The following CACNA2D3 variants were observed in gnomAD, a reference collection of about 807,000 sequenced individuals.
The protein encoded by CACNA2D3 is calcium voltage-gated channel auxiliary subunit alpha2delta 3.
Under a neutral mutation model 160.6 loss-of-function variants are expected in CACNA2D3, and 60 were observed. That is an observed-to-expected ratio of 0.37 (90% CI 0.30 to 0.46). The LOEUF is 0.46. CACNA2D3 is among the 20% of genes least tolerant of loss of function. CACNA2D3 has a pLI of 1.00. For missense variants in CACNA2D3, 1,205 were observed against 1,365.0 expected (o/e 0.88, Z 1.85); for synonymous variants, 558 against 492.9 (o/e 1.13, Z -1.75).
intron 3 of CACNA2D3, among the ~76,000 whole-genome samples, chr3:54,347,081 G>A (rs1698472663): frequency 6.6e-6 from 1 of 152,218 alleles, no homozygotes; most frequent in South Asian, 2.1e-4. Context: ...TATTGTTCAT[G>A]GCAGGGGACA....
chr3:55,025,423 G>A lies in CACNA2D3; in HGVS notation c.2987+7106G>A, dbSNP rs539872390. Among the ~76,000 whole-genome samples the A allele has an allele frequency of 7.9e-5, 12 of 152,040 alleles. No individual in the cohort carries two copies. The East Asian group carries it at 2.1e-3, about 27-fold the overall frequency. ...GAGGCAGGCGTATCACTTGAGGTCAGGAGTTCGAGCCCAGCCTGGCCAATA... is the reference window on the plus strand; with the variant it reads ...GAGGCAGGCGTATCACTTGAGGTCAAGAGTTCGAGCCCAGCCTGGCCAATA... On this transcript the variant is annotated intron_variant, in intron 35 of 37. Coordinates refer to ENST00000474759, the MANE Select transcript of CACNA2D3 (RefSeq NM_018398.3).
intron 11 of CACNA2D3, among the ~76,000 whole-genome samples, chr3:54,664,103 T>C (rs1026246708): frequency 6.6e-6 from 1 of 152,266 alleles, no homozygotes; most frequent in African/African-American, 2.4e-5. Context: ...GAATCGGCGA[T>C]GGCAAAGAGG....
chr3:54,811,816 C>G (rs1192976479), intron 13 of CACNA2D3, among the ~76,000 whole-genome samples: 3 of 152,112 alleles, frequency 2.0e-5, no homozygotes, highest in African/African-American at 7.2e-5. Context: ...CAGTTCTTAT[C>G]TAGACCATTC....
intron 13 of CACNA2D3, among the ~76,000 whole-genome samples, chr3:54,813,710 C>T (rs953534827): frequency 2.0e-5 from 3 of 151,908 alleles, no homozygotes; most frequent in Non-Finnish European, 4.4e-5. Flanking sequence ...CTTCTCTGCC[C>T]TCATGGAGTT....
At chr3:54,759,088 T>C (rs1702033720) in intron 12 of CACNA2D3, among the ~76,000 whole-genome samples, 1 of 152,182 alleles carries the variant, frequency 6.6e-6, no homozygotes, top group Non-Finnish European at 1.5e-5. Context: ...GTTTATCACA[T>C]GCAGTATTTG....
In CACNA2D3 at chr3:54,765,817, A is replaced by G. The variant is rs185030519; in HGVS notation, c.1380+1466A>G. Among the ~76,000 whole-genome samples, 10 of 152,332 alleles carry G rather than the reference A, an allele frequency of 6.6e-5. No homozygotes were observed. In the East Asian group the frequency reaches 7.7e-4, roughly 12 times the overall value. On this transcript the variant is annotated intron_variant, in intron 13 of 37. Transcript: ENST00000474759. The stretch of plus-strand genomic sequence containing the variant: ...GTAGAAGGTCCAAAAAATCAACTAC[A>G]TATGGGGATTTAGTATATAATAGAG...
intron 35 of CACNA2D3, among the ~76,000 whole-genome samples, chr3:55,037,156 C>G (rs1277627781): frequency 2.0e-5 from 3 of 151,838 alleles, no homozygotes; most frequent in East Asian, 3.9e-4. Flanking sequence ...AAAAAGTGAA[C>G]AAATAAGACA....
At chr3:54,912,620 A>G (rs918255575) in intron 27 of CACNA2D3, among the ~76,000 whole-genome samples, 1 of 152,038 alleles carries the variant, frequency 6.6e-6, no homozygotes, top group Non-Finnish European at 1.5e-5. Flanking sequence ...ATATTTTCTC[A>G]GCAGGGACCT....
intron 2 of CACNA2D3, among the ~76,000 whole-genome samples, chr3:54,203,040 G>C (rs1559880903): frequency 6.6e-6 from 1 of 152,152 alleles, no homozygotes; most frequent in Non-Finnish European, 1.5e-5. Context: ...GTCAGCTTTG[G>C]GTGCTATCAG....
intron 11 of CACNA2D3, among the ~76,000 whole-genome samples, chr3:54,704,461 T>A (rs76625860): frequency 3.3e-5 from 5 of 152,102 alleles, no homozygotes; most frequent in African/African-American, 4.8e-5. Flanking sequence ...CTCTTTTTTT[T>A]AATACCTGGC....
At chr3:54,607,223 G>A (rs1047092339) in intron 9 of CACNA2D3, among the ~76,000 whole-genome samples, 1 of 152,140 alleles carries the variant, frequency 6.6e-6, no homozygotes, top group Non-Finnish European at 1.5e-5. Flanking sequence ...GCATGTTCAT[G>A]TCCCTCTAGA....
chr3:54,747,143 AT>A (rs1009871480), intron 11 of CACNA2D3, among the ~76,000 whole-genome samples: 5 of 151,990 alleles, frequency 3.3e-5, no homozygotes, highest in Admixed American at 1.3e-4. Flanking sequence ...GCTTGGTGGC[AT>A]TTTTTAAAGT....
chr3:54,752,574 A>C (rs1701879694), intron 11 of CACNA2D3, 25 bp from the exon 12 acceptor site: 2 of 1,586,398 alleles, frequency 1.3e-6, no homozygotes, highest in Admixed American at 1.7e-5. Flanking sequence ...AATGCCGCTC[A>C]GCCATGCGTT....
At chr3:54,870,679 A>T (rs981936634) in intron 17 of CACNA2D3, among the ~76,000 whole-genome samples, 2 of 152,184 alleles carry the variant, frequency 1.3e-5, no homozygotes, top group Middle Eastern at 3.2e-3. Context: ...CCACTTCCCC[A>T]GTTATTCATG....
chr3:54,603,581 G>A (rs1703104959), intron 9 of CACNA2D3, among the ~76,000 whole-genome samples: 1 of 152,188 alleles, frequency 6.6e-6, no homozygotes, highest in African/African-American at 2.4e-5. Flanking sequence ...TCGTTGTATG[G>A]TCTAAGCTGG....
At chr3:54,258,270 G>A (rs890550549) in intron 2 of CACNA2D3, among the ~76,000 whole-genome samples, 4 of 152,154 alleles carry the variant, frequency 2.6e-5, no homozygotes, top group African/African-American at 9.7e-5. Context: ...AGGATTCTGT[G>A]GACAGTAAAT....
At chr3:54,973,019 A>G (rs1439899250) in intron 29 of CACNA2D3, among the ~76,000 whole-genome samples, 1 of 152,170 alleles carries the variant, frequency 6.6e-6, no homozygotes, top group Non-Finnish European at 1.5e-5. Context: ...TTATATGATC[A>G]TCAATTGTGG....
At chr3:54,162,309 C>T (rs1364287337) in intron 2 of CACNA2D3, among the ~76,000 whole-genome samples, 3 of 152,102 alleles carry the variant, frequency 2.0e-5, no homozygotes, top group African/African-American at 7.2e-5. Context: ...GCTGGGACCT[C>T]ATCTGGGATG....
intron 19 of CACNA2D3, 89 bp from the exon 20 acceptor site, chr3:54,879,261 C>A: frequency 9.9e-7 from 1 of 1,007,006 alleles, no homozygotes; most frequent in Non-Finnish European, 1.5e-6. Flanking sequence ...ATAGTGTGTC[C>A]ATTTATTTTT....
Sources: gnomAD v4.1 joint callset for allele counts (sites outside exome capture counted in the v4.1 genomes callset) on GRCh38, gnomAD v4.1.1 for gene constraint, MANE v1.5 for transcripts, NCBI Gene and HGNC (gene_info 2026-07-23, HGNC 2026-07-21) for gene names.